The following TAFA1 variants were observed in gnomAD, a reference collection of about 807,000 sequenced individuals.
TAFA1 encodes the protein TAFA chemokine like family member 1.
A neutral mutation model predicts 18.5 loss-of-function variants in TAFA1; 4 were observed. That is an observed-to-expected ratio of 0.22 (90% CI 0.11 to 0.49). The LOEUF is 0.49. Among genes scored for constraint, TAFA1 ranks in the 20% least tolerant of loss-of-function variants. The pLI, the probability that TAFA1 is intolerant of heterozygous loss-of-function variation, is 0.98. For synonymous variants in TAFA1, 56 were observed against 55.2 expected (o/e 1.01, Z -0.06); for missense variants, 147 against 169.0 (o/e 0.87, Z 0.72).
At position 68,506,267 on chromosome 3, in the gene TAFA1, T is replaced by A. The variant is rs147373774; in HGVS notation, c.260-32489T>A. 2.1e-4 allele frequency among the ~76,000 whole-genome samples: 32 copies of A among 152,246 alleles called. No homozygotes were observed. In the South Asian group the frequency reaches 3.1e-3, roughly 15 times the overall value. ...TATTCCATGGTGTATATATGCCACA[T>A]TTTCTTTATCCAGTCTATCACTGAT... On this transcript the variant is annotated intron_variant, in intron 3 of 4. Coordinates refer to ENST00000478136, the MANE Select transcript of TAFA1 (RefSeq NM_213609.4).
chr3:68,072,428 G>A (rs964622244), intron 2 of TAFA1, among the ~76,000 whole-genome samples: 2 of 152,152 alleles, frequency 1.3e-5, no homozygotes, highest in Non-Finnish European at 2.9e-5. Context: ...AGAGGGTGGT[G>A]TTTTAGTTGT....
At chr3:68,469,459 AG>A (rs2071954248) in intron 3 of TAFA1, among the ~76,000 whole-genome samples, 1 of 152,072 alleles carries the variant, frequency 6.6e-6, no homozygotes, top group South Asian at 2.1e-4. Context: ...TGGATCACGA[AG>A]TCAGGAGATC....
intron 2 of TAFA1, among the ~76,000 whole-genome samples, chr3:68,336,352 CCTAA>C (rs555515625): frequency 2.0e-4 from 30 of 152,250 alleles, no homozygotes; most frequent in African/African-American, 7.0e-4. Flanking sequence ...TTGGGATCCT[CCTAA>C]CTGACTTTTC....
At chr3:67,997,326 T>A in the TAFA1 span, among the ~76,000 whole-genome samples, 1 of 152,180 alleles carries the variant, frequency 6.6e-6, no homozygotes, top group Non-Finnish European at 1.5e-5. Context: ...GAAGCAGGTA[T>A]CAGTGAGGCA....
At chr3:68,354,195 A>G (rs1440146539) in intron 2 of TAFA1, among the ~76,000 whole-genome samples, 1 of 151,918 alleles carries the variant, frequency 6.6e-6, no homozygotes, top group Non-Finnish European at 1.5e-5. Context: ...GTAGGATACC[A>G]CAATGCTTTT....
intron 2 of TAFA1, among the ~76,000 whole-genome samples, chr3:68,372,106 C>T (rs2069718241): frequency 6.6e-6 from 1 of 152,144 alleles, no homozygotes; most frequent in South Asian, 2.1e-4. Context: ...CCTTATTTCT[C>T]CCACTTTTAT....
At chr3:68,414,280 C>T (rs1575845894) in intron 2 of TAFA1, among the ~76,000 whole-genome samples, 1 of 152,124 alleles carries the variant, frequency 6.6e-6, no homozygotes, top group African/African-American at 2.4e-5. Flanking sequence ...GCACTCCAGC[C>T]TAGGCAACAG....
At chr3:68,054,905 A>T (rs1456320011) in intron 2 of TAFA1, among the ~76,000 whole-genome samples, 3 of 152,104 alleles carry the variant, frequency 2.0e-5, no homozygotes, top group Non-Finnish European at 2.9e-5. Flanking sequence ...TATGATCCTC[A>T]ATTTCTTAAT....
intron 3 of TAFA1, among the ~76,000 whole-genome samples, chr3:68,513,242 A>C (rs1510365): frequency 0.8 from 121,529 of 151,972 alleles, 48,923 homozygotes; most frequent in African/African-American, 0.89. Flanking sequence ...AGGAGTAGTG[A>C]GTTTGTGCCA....
At chr3:68,192,115 G>A (rs59152771) in intron 2 of TAFA1, among the ~76,000 whole-genome samples, 2,237 of 151,770 alleles carry the variant, frequency 0.015, 62 homozygotes, top group African/African-American at 0.051. Flanking sequence ...AGCACTATTC[G>A]CTCTAGTCCA....
chr3:68,010,133 C>G (rs1316268236), intron 2 of TAFA1, among the ~76,000 whole-genome samples: 1 of 152,180 alleles, frequency 6.6e-6, no homozygotes, highest in Non-Finnish European at 1.5e-5. Context: ...TGGAAAATGA[C>G]AAATCTTTCA....
chr3:68,400,111 A>G (rs920858828), intron 2 of TAFA1, among the ~76,000 whole-genome samples: 3 of 152,144 alleles, frequency 2.0e-5, no homozygotes, highest in African/African-American at 7.2e-5. Flanking sequence ...GGAAAAGACT[A>G]CGCTGTTTGG....
Position 68,414,212 on chromosome 3 carries a change from C to T in TAFA1, c.119-3068C>T, listed in dbSNP as rs561502156. On this transcript the variant is annotated intron_variant, in intron 2 of 4. Coordinates refer to ENST00000478136, the MANE Select transcript of TAFA1 (RefSeq NM_213609.4). ...ATCCCAGCTACTTGGGAGGCTGAGG[C>T]AAGAGAATCACTTGAACCTGGGAAG... 2.4e-4 allele frequency among the ~76,000 whole-genome samples: 37 copies of T among 152,194 alleles called. No individual in the cohort carries two copies. The East Asian group carries it at 7.0e-3, about 29-fold the overall frequency.
At chr3:68,240,642 C>T (rs895932885) in intron 2 of TAFA1, among the ~76,000 whole-genome samples, 1 of 152,098 alleles carries the variant, frequency 6.6e-6, no homozygotes, top group East Asian at 1.9e-4. Flanking sequence ...TATGTCCTAG[C>T]GTCTGAACTG....
At chr3:68,086,361 C>T (rs1183593889) in intron 2 of TAFA1, among the ~76,000 whole-genome samples, 1 of 152,164 alleles carries the variant, frequency 6.6e-6, no homozygotes, top group Non-Finnish European at 1.5e-5. Context: ...AAGTGAATAT[C>T]TGGGCAGTCC....
chr3:68,120,171 CT>C (rs2065373631), intron 2 of TAFA1, among the ~76,000 whole-genome samples: 215 of 84,498 alleles, frequency 2.5e-3, no homozygotes, highest in South Asian at 0.013. Flanking sequence ...CTCTTTCTTT[CT>C]CTTTCTTTCT....
intron 2 of TAFA1, among the ~76,000 whole-genome samples, chr3:68,372,972 G>C (rs1284354998): frequency 2.6e-5 from 4 of 152,122 alleles, no homozygotes; most frequent in Non-Finnish European, 4.4e-5. Flanking sequence ...GGAACATGTA[G>C]GGTGCCTCTA....
At chr3:68,370,472 G>GTATATATATATATA (rs749877780) in intron 2 of TAFA1, among the ~76,000 whole-genome samples, 2 of 33,032 alleles carry the variant, frequency 6.1e-5, no homozygotes, top group Non-Finnish European at 1.0e-4. Context: ...GTGTGTGTGT[G>GTATATATATATATA]TATATATATA....
intron 2 of TAFA1, among the ~76,000 whole-genome samples, chr3:68,281,120 TTTTAA>T (rs2067890070): frequency 1.3e-5 from 2 of 152,180 alleles, no homozygotes. Flanking sequence ...TAAGTTATCA[TTTTAA>T]TTTTTTATTT....
Sources: allele counts gnomAD v4.1 joint callset (sites outside exome capture counted in the v4.1 genomes callset), GRCh38; gene constraint gnomAD v4.1.1; transcripts MANE v1.5; gene names NCBI Gene and HGNC (gene_info 2026-07-23, HGNC 2026-07-21).